LSAMP: variants seen among roughly 807,000 people sequenced by gnomAD.
LSAMP encodes the protein limbic system-associated membrane protein.
In LSAMP, 7 loss-of-function variants were observed where a neutral mutation model predicts 38.6. That is an observed-to-expected ratio of 0.18 (90% CI 0.10 to 0.34). The LOEUF (loss-of-function observed/expected upper bound fraction) is 0.34. Among genes scored for constraint, LSAMP ranks in the 10% least tolerant of loss-of-function variants. The probability of loss-of-function intolerance (pLI) is 1.00; values close to 1 mark genes in which losing one functional copy is unlikely to be tolerated. For missense variants in LSAMP, 313 were observed against 420.0 expected (o/e 0.75, Z 2.23); for synonymous variants, 154 against 166.8 (o/e 0.92, Z 0.59).
chr3:116,153,796 C>T (rs1170851595), intron 1 of LSAMP, among the ~76,000 whole-genome samples: 2 of 151,926 alleles, frequency 1.3e-5, no homozygotes, highest in African/African-American at 2.4e-5. Flanking sequence ...ATTGCCTTAG[C>T]AAATGAGATG....
chr3:116,154,793 C>G (rs534009667), intron 1 of LSAMP, among the ~76,000 whole-genome samples: 117 of 152,180 alleles, frequency 7.7e-4, no homozygotes, highest in African/African-American at 2.6e-3. Flanking sequence ...GAATATGAGA[C>G]AATTCTTTTG....
At chr3:116,390,395 T>A (rs1349457672) in intron 1 of LSAMP, among the ~76,000 whole-genome samples, 1 of 152,030 alleles carries the variant, frequency 6.6e-6, no homozygotes, top group Non-Finnish European at 1.5e-5. Context: ...TTGAGCGGGA[T>A]CTGCAAGAAT....
Position 116,056,917 on chromosome 3 carries a change from T to C in LSAMP, c.388+29407A>G, listed in dbSNP as rs150360577. On this transcript the variant is annotated intron_variant, in intron 2 of 6. Coordinates refer to ENST00000490035, the MANE Select transcript of LSAMP (RefSeq NM_002338.5). ...AGTATGTACTGAGTGGTATCTCAGA[T>C]GTGGCATTCATAAAGAGAATGACAC... Among the ~76,000 whole-genome samples, 106 of 152,276 alleles carry C rather than the reference T, an allele frequency of 7.0e-4. 2 individuals carry two copies. In the East Asian group the frequency reaches 0.019, roughly 27 times the overall value.
At chr3:115,929,154 T>C (rs1315532030) in intron 3 of LSAMP, among the ~76,000 whole-genome samples, 1 of 151,402 alleles carries the variant, frequency 6.6e-6, no homozygotes, top group Non-Finnish European at 1.5e-5. Context: ...GGAAAATAAA[T>C]GCAATTGATT....
intron 3 of LSAMP, among the ~76,000 whole-genome samples, chr3:115,948,922 C>A (rs1938193325): frequency 6.6e-6 from 1 of 152,076 alleles, no homozygotes; most frequent in African/African-American, 2.4e-5. Flanking sequence ...CACTTGAGGC[C>A]AGGAGTTTAA....
At chr3:115,862,066 T>G (rs1289787651) in intron 3 of LSAMP, among the ~76,000 whole-genome samples, 2 of 152,138 alleles carry the variant, frequency 1.3e-5, no homozygotes, top group African/African-American at 4.8e-5. Flanking sequence ...TGTTAATTGT[T>G]TTTTAGACTT....
intron 3 of LSAMP, among the ~76,000 whole-genome samples, chr3:115,871,844 A>G (rs1936049184): frequency 6.6e-6 from 1 of 152,164 alleles, no homozygotes; most frequent in South Asian, 2.1e-4. Context: ...AGCACACACC[A>G]GCAATCCTTT....
chr3:116,356,830 G>A (rs909218967), intron 1 of LSAMP, among the ~76,000 whole-genome samples: 9 of 152,016 alleles, frequency 5.9e-5, no homozygotes, highest in African/African-American at 9.7e-5. Context: ...GTCTCGCTCT[G>A]TGGCCCAGGC....
rs535192063 is a variant in LSAMP at position 116,334,479 on chromosome 3, G to A, written c.155+110398C>T. On this transcript the variant is annotated intron_variant, in intron 1 of 6. Transcript: ENST00000490035. ...ACCAACATCCCTTATGAACATTGATGCAAATATCCTGAATAAAAGTCTAGA... is the reference window on the plus strand; with the variant it reads ...ACCAACATCCCTTATGAACATTGATACAAATATCCTGAATAAAAGTCTAGA... 2.9e-4 allele frequency among the ~76,000 whole-genome samples: 44 copies of A among 152,108 alleles called. 1 individual carries two copies. In the South Asian group the frequency reaches 8.9e-3, roughly 31 times the overall value.
At position 115,841,952 on chromosome 3, in the gene LSAMP, C is replaced by G; in HGVS notation, c.812G>C (p.Gly271Ala). The G allele has an allele frequency of 6.2e-7, 1 of 1,613,652 alleles. No individual in the cohort carries two copies. Among genetic ancestry groups the G allele is most frequent in the Non-Finnish European group, 8.5e-7 (1 of 1,179,982 alleles). ...GTTGGTCACCGTCAGGGAAGACTGG[C>G]CCTCCGTGCTCTTAATCTCAAGGCC... ...ANGLEIKSTE[G>A]QSSLTVTNVT... The change falls in exon 6 of 7, where the codon GGC becomes GCC. Residue 271 changes from glycine (G) to alanine (A), a missense_variant. Gly to Ala is a moderately conservative substitution (Grantham distance 60, BLOSUM62 0). Coordinates refer to ENST00000490035, the MANE Select transcript of LSAMP (RefSeq NM_002338.5).
intron 1 of LSAMP, among the ~76,000 whole-genome samples, chr3:116,200,449 G>A (rs189327867): frequency 5.6e-4 from 86 of 152,290 alleles, no homozygotes; most frequent in African/African-American, 1.9e-3. Flanking sequence ...ATTTTTCAGA[G>A]TCAGGTAGTT....
At chr3:116,405,950 T>C (rs1576198637) in intron 1 of LSAMP, among the ~76,000 whole-genome samples, 1 of 152,170 alleles carries the variant, frequency 6.6e-6, no homozygotes, top group East Asian at 1.9e-4. Flanking sequence ...TGTATGAGCC[T>C]AGAAAATTAT....
At chr3:116,230,387 G>T (rs1293568586) in intron 1 of LSAMP, among the ~76,000 whole-genome samples, 1 of 152,118 alleles carries the variant, frequency 6.6e-6, no homozygotes, top group Non-Finnish European at 1.5e-5. Context: ...TGAATGGATG[G>T]TAAAAAGAAG....
At chr3:115,887,429 C>G (rs888881287) in intron 3 of LSAMP, among the ~76,000 whole-genome samples, 1 of 151,826 alleles carries the variant, frequency 6.6e-6, no homozygotes, top group Non-Finnish European at 1.5e-5. Flanking sequence ...AGACCACTAC[C>G]TTGCTCTTGA....
intron 6 of LSAMP, among the ~76,000 whole-genome samples, chr3:115,820,099 G>T (rs1441383417): frequency 6.9e-6 from 1 of 145,068 alleles, no homozygotes; most frequent in Non-Finnish European, 1.6e-5. Context: ...GTTATAGACA[G>T]AATTTTTTTT....
chr3:115,903,865 T>G (rs1342254433), intron 3 of LSAMP, among the ~76,000 whole-genome samples: 1 of 152,170 alleles, frequency 6.6e-6, no homozygotes, highest in Non-Finnish European at 1.5e-5. Flanking sequence ...ACTTAATATT[T>G]AAAGCAGACA....
chr3:116,417,893 G>A (rs914967374), intron 1 of LSAMP, among the ~76,000 whole-genome samples: 3 of 152,130 alleles, frequency 2.0e-5, no homozygotes, highest in Non-Finnish European at 4.4e-5. Flanking sequence ...AGTTCCTGCT[G>A]CAGGAGTCAC....
intron 1 of LSAMP, among the ~76,000 whole-genome samples, chr3:116,280,328 C>A (rs1347644298): frequency 6.6e-6 from 1 of 152,162 alleles, no homozygotes; most frequent in African/African-American, 2.4e-5. Flanking sequence ...GATCACATGA[C>A]CCCTGAGCAG....
chr3:116,397,471 A>G (rs2048783956), intron 1 of LSAMP, among the ~76,000 whole-genome samples: 1 of 147,258 alleles, frequency 6.8e-6, no homozygotes, highest in African/African-American at 2.5e-5. Flanking sequence ...CATAGTACTT[A>G]TCACTATCTA....
Sources: allele counts gnomAD v4.1 joint callset (sites outside exome capture counted in the v4.1 genomes callset), GRCh38; gene constraint gnomAD v4.1.1; transcripts MANE v1.5; gene names NCBI Gene and HGNC (gene_info 2026-07-23, HGNC 2026-07-21).